GTF2IRD1: variants seen among roughly 807,000 people sequenced by gnomAD.
GTF2IRD1 encodes the protein GTF2I repeat domain containing 1.
A neutral mutation model predicts 113.2 loss-of-function variants in GTF2IRD1; 26 were observed. The ratio of observed to expected loss-of-function variants is 0.23; its 90% confidence interval spans 0.17 to 0.32. The LOEUF is 0.32. Ranked by LOEUF, GTF2IRD1 falls within the 10% of genes least tolerant of loss-of-function variation. GTF2IRD1 has a pLI of 1.00. For synonymous variants in GTF2IRD1, 484 were observed against 529.1 expected, an observed-to-expected ratio of 0.91 and a Z score of 1.17; for missense variants, 864 against 1,280.8, an observed-to-expected ratio of 0.67 and a Z score of 4.97.
intron 8 of GTF2IRD1, among the ~76,000 whole-genome samples, chr7:74,528,898 G>A (rs1797782949): frequency 6.8e-6 from 1 of 147,996 alleles, no homozygotes. Context: ...TGGATGGATG[G>A]ATGGATGGAT....
Position 74,601,044 on chromosome 7 carries a change from C to A in GTF2IRD1, c.2630C>A (p.Ala877Asp). The A allele has an allele frequency of 1.9e-6, 3 of 1,614,146 alleles. No individual in the cohort carries two copies. The highest frequency in any genetic ancestry group is 2.5e-6 in the Non-Finnish European group (3 of 1,179,994). ...AEICNDAKVP[A>D]KDSSIPKRKR... ...CAACAGCCTTTTCCCCTCCTTCCAGCCAAAGACAGCAGCATTCCCAAGCGC... is the reference window on the plus strand; with the variant it reads ...CAACAGCCTTTTCCCCTCCTTCCAGACAAAGACAGCAGCATTCCCAAGCGC... The change falls in exon 26 of 27, where the codon GCC becomes GAC. Residue 877 changes from alanine to aspartate, a missense_variant and splice_region_variant. Ala to Asp is a moderately radical substitution (Grantham distance 126). Coordinates refer to ENST00000424337, the MANE Select transcript of GTF2IRD1 (RefSeq NM_005685.4).
Position 74,511,605 on chromosome 7 carries a change from C to T in GTF2IRD1, c.124-1225C>T, listed in dbSNP as rs554547398. 2.0e-5 allele frequency among the ~76,000 whole-genome samples: 3 copies of T among 152,312 alleles called. No individual in the cohort carries two copies. In the East Asian group the frequency reaches 5.8e-4, roughly 29 times the overall value. Reference sequence around the variant, plus strand: ...ACCCTGGAGGACAGGCTTCCTGGCCCCACGCCGCGTGCACCTTCCTAACCA... The same window carrying T: ...ACCCTGGAGGACAGGCTTCCTGGCCTCACGCCGCGTGCACCTTCCTAACCA... On this transcript the variant is annotated intron_variant, in intron 2 of 26. Coordinates refer to ENST00000424337, the MANE Select transcript of GTF2IRD1 (RefSeq NM_005685.4).
intron 1 of GTF2IRD1, among the ~76,000 whole-genome samples, chr7:74,486,808 C>CAA (rs797028352): frequency 8.5e-5 from 11 of 129,598 alleles, no homozygotes; most frequent in African/African-American, 3.2e-4. Flanking sequence ...CATGTCTCTA[C>CAA]AAAAAAAAAA....
intron 1 of GTF2IRD1, among the ~76,000 whole-genome samples, chr7:74,482,526 C>T (rs894340993): frequency 6.6e-6 from 1 of 152,044 alleles, no homozygotes; most frequent in Non-Finnish European, 1.5e-5. Context: ...CTGTTTCTGG[C>T]CTTATGCACA....
chr7:74,563,880 C>T (rs1233612728), intron 22 of GTF2IRD1, among the ~76,000 whole-genome samples: 1 of 151,856 alleles, frequency 6.6e-6, no homozygotes, highest in African/African-American at 2.4e-5. Context: ...AGCATGACGC[C>T]ATCTGGAAAA....
At chr7:74,573,636 C>T (rs1202369362) in intron 22 of GTF2IRD1, among the ~76,000 whole-genome samples, 3 of 152,120 alleles carry the variant, frequency 2.0e-5, no homozygotes, top group South Asian at 4.1e-4. Context: ...GAAGCTGATG[C>T]GTGTGTCTGA....
At chr7:74,579,262 C>T (rs1352838199) in intron 22 of GTF2IRD1, among the ~76,000 whole-genome samples, 1 of 151,988 alleles carries the variant, frequency 6.6e-6, no homozygotes, top group Non-Finnish European at 1.5e-5. Flanking sequence ...GAGCTAGGAT[C>T]GCACTACTGC....
At chr7:74,467,389 G>A (rs1356328931) in intron 1 of GTF2IRD1, among the ~76,000 whole-genome samples, 5 of 152,220 alleles carry the variant, frequency 3.3e-5, no homozygotes, top group Admixed American at 1.3e-4. Context: ...TCTCTGAGCC[G>A]AGTACAGCCC....
intron 22 of GTF2IRD1, chr7:74,571,102 CCT>C (rs1307438053): frequency 1.0e-6 from 1 of 985,360 alleles, no homozygotes; most frequent in African/African-American, 1.7e-5. Context: ...CAGCGCCCCA[CCT>C]CTCCTTCCCC....
At chr7:74,539,469 C>A in intron 13 of GTF2IRD1, among the ~76,000 whole-genome samples, 1 of 151,982 alleles carries the variant, frequency 6.6e-6, no homozygotes, top group African/African-American at 2.4e-5. Flanking sequence ...AATGACTGGG[C>A]GCAGTGGCTC....
chr7:74,461,817 G>C (rs1016175968), intron 1 of GTF2IRD1, among the ~76,000 whole-genome samples: 12 of 152,146 alleles, frequency 7.9e-5, no homozygotes, highest in African/African-American at 2.9e-4. Flanking sequence ...GATCTCAAGT[G>C]ATCTGTCCAC....
At chr7:74,464,645 G>A (rs782150257) in intron 1 of GTF2IRD1, among the ~76,000 whole-genome samples, 3 of 151,828 alleles carry the variant, frequency 2.0e-5, no homozygotes, top group African/African-American at 4.8e-5. Context: ...ACGGGGTTTC[G>A]CCATGTTGGC....
intron 1 of GTF2IRD1, chr7:74,507,556 C>G (rs10268446): frequency 0.077 from 11,711 of 152,634 alleles, 1,384 homozygotes; most frequent in African/African-American, 0.26. Context: ...CTTCAGGCAG[C>G]GGGAACTGAA....
chr7:74,590,613 G>A (rs1487707094), intron 23 of GTF2IRD1, among the ~76,000 whole-genome samples: 1 of 149,286 alleles, frequency 6.7e-6, no homozygotes, highest in African/African-American at 2.5e-5. Context: ...CGATGGTCTC[G>A]ATCTCCTGAC....
intron 3 of GTF2IRD1, among the ~76,000 whole-genome samples, chr7:74,513,622 A>G (rs1796761445): frequency 6.6e-6 from 1 of 152,170 alleles, no homozygotes. Flanking sequence ...AATAAGATTT[A>G]TTGAATGCCT....
intron 1 of GTF2IRD1, among the ~76,000 whole-genome samples, chr7:74,488,189 G>A (rs924881139): frequency 7.2e-5 from 11 of 151,904 alleles, no homozygotes; most frequent in Non-Finnish European, 1.6e-4. Context: ...AGGCTGAGGC[G>A]GGAGGATCGC....
intron 1 of GTF2IRD1, among the ~76,000 whole-genome samples, chr7:74,492,239 C>G (rs1039643903): frequency 1.3e-5 from 2 of 150,440 alleles, no homozygotes; most frequent in Admixed American, 6.7e-5. Flanking sequence ...GGCGTGATCT[C>G]GGCTCACCGC....
intron 1 of GTF2IRD1, among the ~76,000 whole-genome samples, chr7:74,490,629 G>A (rs1795287831): frequency 6.6e-6 from 1 of 150,616 alleles, no homozygotes; most frequent in Non-Finnish European, 1.5e-5. Context: ...CAAGCATATG[G>A]CAGCGGATGG....
chr7:74,505,828 C>T (rs1237258955), intron 1 of GTF2IRD1, among the ~76,000 whole-genome samples: 8 of 152,292 alleles, frequency 5.3e-5, no homozygotes, highest in Middle Eastern at 3.4e-3. Flanking sequence ...CTTCCTGCCA[C>T]GGAACATCCC....
Sources: allele counts gnomAD v4.1 joint callset (sites outside exome capture counted in the v4.1 genomes callset), GRCh38; gene constraint gnomAD v4.1.1; transcripts MANE v1.5; gene names NCBI Gene and HGNC (gene_info 2026-07-23, HGNC 2026-07-21).